GABRG1: variants seen among roughly 807,000 people sequenced by gnomAD.
The protein encoded by GABRG1 is gamma-aminobutyric acid type A receptor subunit gamma1.
In GABRG1, 49 loss-of-function variants were observed where a neutral mutation model predicts 49.8. The observed-to-expected ratio is 0.98, with a 90% CI of 0.78 to 1.25. The LOEUF is 1.25. Ranked by LOEUF, GABRG1 falls within the 50% of genes most tolerant of loss-of-function variation. The pLI is 0.00. For synonymous variants in GABRG1, 232 were observed against 185.1 expected, an observed-to-expected ratio of 1.25 and a Z score of -2.06; for missense variants, 552 against 552.3, an observed-to-expected ratio of 1.00 and a Z score of 0.01.
chr4:46,098,829 T>C (rs1378076152), intron 1 of GABRG1, among the ~76,000 whole-genome samples: 2 of 151,690 alleles, frequency 1.3e-5, no homozygotes, highest in African/African-American at 4.8e-5. Context: ...ATCTGCTTTG[T>C]AGGCTCTCTG....
rs1006509143 is a variant in GABRG1 at position 46,123,873 on chromosome 4, A to C, written c.41T>G (p.Leu14Arg). ...LKAFLFSPFLLRSQSRGVRLV... is the reference protein window; with the variant it reads ...LKAFLFSPFLRRSQSRGVRLV... ...CCTCACCCCTCTACTTTGACTCCGC[A>C]GAAGAAAAGGGGAGAAGAGAAAAGC... The change falls in exon 1 of 9, where the codon CTG becomes CGG. Residue 14 changes from leucine (L) to arginine (R), a missense_variant. Transcript: ENST00000295452. 2 of 1,613,628 alleles carry C rather than the reference A, an allele frequency of 1.2e-6. No individual in the cohort carries two copies. The highest frequency in any genetic ancestry group is 1.7e-6 in the Non-Finnish European group (2 of 1,179,812).
rs1469929335 is a variant in GABRG1, at chr4:46,040,134, A to C, written c.*854T>G. 1 of 151,944 alleles carries C rather than the reference A, an allele frequency of 6.6e-6. No homozygotes were observed. Among genetic ancestry groups the C allele is most frequent in the African/African-American group, 2.4e-5 (1 of 41,438 alleles). 9.4% of individuals were successfully genotyped at this position (151,944 alleles called of 1,614,324 possible). A position where few individuals can be genotyped will look rare whatever the true frequency, so the allele number is the denominator to read the frequency against. ...GACTGCAACACTTTCATAAAACATA[A>C]AGAAAAAAATAATCATTTCTCTCTG... is the stretch of plus-strand genomic sequence containing the variant. On this transcript the variant is annotated 3_prime_UTR_variant, in exon 9 of 9. Coordinates refer to ENST00000295452, the MANE Select transcript of GABRG1 (RefSeq NM_173536.4).
At chr4:46,078,916 T>C (rs958336969) in intron 3 of GABRG1, among the ~76,000 whole-genome samples, 1 of 151,974 alleles carries the variant, frequency 6.6e-6, no homozygotes, top group African/African-American at 2.4e-5. Context: ...TATGGGTTAG[T>C]AATCATAGCC....
In GABRG1 at chr4:46,064,463, G is replaced by A. The variant is rs1446211119; in HGVS notation, c.603C>T (p.Ser201=). The A allele has an allele frequency of 6.5e-7, 1 of 1,541,122 alleles. No individual in the cohort carries two copies. Among genetic ancestry groups the A allele is most frequent in the South Asian group, 1.3e-5 (1 of 77,784 alleles). Reference sequence around the variant, plus strand: ...TACAGCTTGAAAATTCCAGTGGACAGGAATGTTCATCCATGGGAAAGTTAT... The same window carrying A: ...TACAGCTTGAAAATTCCAGTGGACAAGAATGTTCATCCATGGGAAAGTTAT... ...QLHNFPMDEH[S]CPLEFSSYGY... Residue 201 remains serine (S), a synonymous_variant, in exon 5 of 9, where the codon TCC becomes TCT. Coordinates refer to ENST00000295452, the MANE Select transcript of GABRG1 (RefSeq NM_173536.4).
chr4:46,092,691 A>C (rs1720031582), intron 2 of GABRG1, among the ~76,000 whole-genome samples: 1 of 152,074 alleles, frequency 6.6e-6, no homozygotes, highest in Non-Finnish European at 1.5e-5. Context: ...TAGGAACAAT[A>C]TACATATTTC....
intron 8 of GABRG1, among the ~76,000 whole-genome samples, chr4:46,045,624 T>C: frequency 6.6e-6 from 1 of 151,918 alleles, no homozygotes; most frequent in East Asian, 1.9e-4. Flanking sequence ...AAGTTTTATC[T>C]GCAAAGAATG....
At chr4:46,041,337 G>A in intron 8 of GABRG1, 83 bp from the exon 9 acceptor site, 1 of 1,210,126 alleles carries the variant, frequency 8.3e-7, no homozygotes, top group East Asian at 2.5e-5. Context: ...GCAAACTCTA[G>A]GAGACTGACA....
At chr4:46,083,801 T>C (rs1354611310) in intron 3 of GABRG1, among the ~76,000 whole-genome samples, 185 bp downstream of exon 3, 2 of 151,778 alleles carry the variant, frequency 1.3e-5, no homozygotes, top group South Asian at 4.1e-4. Context: ...AATAACAAGA[T>C]ACAGATTCTT....
intron 3 of GABRG1, among the ~76,000 whole-genome samples, chr4:46,080,195 A>G (rs1560362559): frequency 1.3e-5 from 2 of 151,576 alleles, no homozygotes; most frequent in Admixed American, 1.3e-4. Context: ...TGGCTAACTT[A>G]AAAAAAACTA....
intron 1 of GABRG1, among the ~76,000 whole-genome samples, chr4:46,120,244 G>A (rs2109448713): frequency 6.6e-6 from 1 of 151,430 alleles, no homozygotes; most frequent in East Asian, 2.0e-4. Context: ...ATCATATTTT[G>A]GTAATCATTT....
intron 1 of GABRG1, among the ~76,000 whole-genome samples, chr4:46,110,514 C>T (rs1720680670): frequency 6.6e-6 from 1 of 150,884 alleles, no homozygotes. Context: ...AAAAAGCCAG[C>T]ACCACCCTAA....
intron 1 of GABRG1, among the ~76,000 whole-genome samples, chr4:46,114,336 A>G (rs10029064): frequency 0.094 from 14,224 of 151,074 alleles, 1,663 homozygotes; most frequent in African/African-American, 0.28. Flanking sequence ...CTACAGTGGA[A>G]CCTATCACTT....
At chr4:46,051,715 G>A (rs1208733739) in intron 7 of GABRG1, 77 bp from the exon 8 acceptor site, 4 of 888,258 alleles carry the variant, frequency 4.5e-6, no homozygotes, top group Non-Finnish European at 5.2e-6. Flanking sequence ...TGGCAATATT[G>A]TGAGTGAAAT....
At chr4:46,054,053 G>C (rs1390428497) in intron 7 of GABRG1, among the ~76,000 whole-genome samples, 2 of 38,170 alleles carry the variant, frequency 5.2e-5, no homozygotes, top group Non-Finnish European at 1.0e-4. Context: ...TCCAGTTTCA[G>C]CTTTCTACAT....
chr4:46,059,955 T>C (rs1718609700), intron 5 of GABRG1, among the ~76,000 whole-genome samples: 1 of 152,180 alleles, frequency 6.6e-6, no homozygotes, highest in Non-Finnish European at 1.5e-5. Context: ...TCTTATTTTT[T>C]CCTCTCTTTT....
chr4:46,113,942 G>C (rs1023120472), intron 1 of GABRG1, among the ~76,000 whole-genome samples: 1 of 151,170 alleles, frequency 6.6e-6, no homozygotes, highest in African/African-American at 2.4e-5. Context: ...GAAAAGAAAC[G>C]TATCTTCTGA....
intron 7 of GABRG1, among the ~76,000 whole-genome samples, chr4:46,053,289 C>T (rs1260078365): frequency 2.6e-5 from 4 of 151,714 alleles, no homozygotes; most frequent in Non-Finnish European, 1.5e-5. Context: ...TCTATATGCA[C>T]TTGAAAATAT....
chr4:46,097,523 A>T (rs1720219877), intron 1 of GABRG1, among the ~76,000 whole-genome samples, 174 bp from the exon 2 acceptor site: 1 of 151,696 alleles, frequency 6.6e-6, no homozygotes. Flanking sequence ...GTGCCCTGAT[A>T]TAATACTCAA....
chr4:46,094,178 A>G (rs1720096349), intron 2 of GABRG1, among the ~76,000 whole-genome samples: 1 of 147,692 alleles, frequency 6.8e-6, no homozygotes, highest in African/African-American at 2.7e-5. Flanking sequence ...TCCTTCAAAA[A>G]TGTATATAAA....
Sources: gnomAD v4.1 joint callset for allele counts (sites outside exome capture counted in the v4.1 genomes callset) on GRCh38, gnomAD v4.1.1 for gene constraint, MANE v1.5 for transcripts, NCBI Gene and HGNC (gene_info 2026-07-23, HGNC 2026-07-21) for gene names.